OLA1: variants seen among roughly 807,000 people sequenced by gnomAD.
The protein encoded by OLA1 is Obg like ATPase 1, also known as obg-like ATPase 1.
OLA1 carries 14 observed loss-of-function variants against 48.4 expected under a neutral mutation model. The observed-to-expected ratio is 0.29, with a 90% CI of 0.19 to 0.45. The LOEUF (loss-of-function observed/expected upper bound fraction) is 0.45. Ranked by LOEUF, OLA1 falls within the 20% of genes least tolerant of loss-of-function variation. OLA1 has a pLI of 1.00. For synonymous variants in OLA1, 127 were observed against 150.4 expected (o/e 0.84, Z 1.14); for missense variants, 325 against 467.1 (o/e 0.70, Z 2.80).
At chr2:174,098,325 T>C (rs1479940703) in intron 7 of OLA1, among the ~76,000 whole-genome samples, 1 of 152,194 alleles carries the variant, frequency 6.6e-6, no homozygotes, top group Non-Finnish European at 1.5e-5. Flanking sequence ...TAAAGAAATG[T>C]TTATTTTAAC....
chr2:174,075,226 G>A lies in OLA1; in HGVS notation c.*200C>T. 2.1e-6 allele frequency: 1 copy of A among 476,418 alleles called. No homozygotes were observed. The highest frequency in any genetic ancestry group is 3.7e-6 in the Non-Finnish European group (1 of 273,562). 29.5% of individuals were successfully genotyped at this position (476,418 alleles called of 1,614,324 possible). On this transcript the variant is annotated 3_prime_UTR_variant, in exon 11 of 11. Coordinates refer to ENST00000284719, the MANE Select transcript of OLA1 (RefSeq NM_013341.5). ...TCTTAATCACGTGAAAAGCAAAGCTGTTCACATTTAGTGAACCTGCATTTC... is the reference window on the plus strand; with the variant it reads ...TCTTAATCACGTGAAAAGCAAAGCTATTCACATTTAGTGAACCTGCATTTC...
intron 4 of OLA1, among the ~76,000 whole-genome samples, chr2:174,153,837 T>C (rs142684634): frequency 2.0e-3 from 305 of 152,332 alleles, no homozygotes; most frequent in Middle Eastern, 0.01. Flanking sequence ...ACAGATACTT[T>C]AAATGTGTAA....
intron 9 of OLA1, chr2:174,079,328 GT>G: frequency 3.3e-6 from 1 of 302,246 alleles, no homozygotes; most frequent in Admixed American, 5.0e-5. Flanking sequence ...GTCATCCACT[GT>G]TTTATTGATT....
chr2:174,125,420 T>C (rs1686025358), intron 5 of OLA1, among the ~76,000 whole-genome samples: 1 of 152,126 alleles, frequency 6.6e-6, no homozygotes, highest in Non-Finnish European at 1.5e-5. Flanking sequence ...GAACAGCTTA[T>C]GTAGAGACAC....
chr2:174,166,181 G>A (rs1687160055), intron 4 of OLA1, among the ~76,000 whole-genome samples: 1 of 150,746 alleles, frequency 6.6e-6, no homozygotes, highest in Non-Finnish European at 1.5e-5. Flanking sequence ...GATAGTATCT[G>A]ATAAATTTGT....
At chr2:174,132,531 T>G (rs897156203) in intron 5 of OLA1, among the ~76,000 whole-genome samples, 1 of 152,130 alleles carries the variant, frequency 6.6e-6, no homozygotes, top group African/African-American at 2.4e-5. Context: ...AACAACAAAT[T>G]TGGTATATTG....
chr2:174,137,148 G>A (rs1480800907), intron 5 of OLA1, among the ~76,000 whole-genome samples: 2 of 152,216 alleles, frequency 1.3e-5, no homozygotes, highest in African/African-American at 4.8e-5. Context: ...CAGAATGGAT[G>A]TTGTCTTAGC....
At chr2:174,149,288 C>T (rs1487775059) in intron 4 of OLA1, among the ~76,000 whole-genome samples, 3 of 152,144 alleles carry the variant, frequency 2.0e-5, no homozygotes, top group African/African-American at 7.2e-5. Flanking sequence ...TCTTTCATTG[C>T]TTCTTTCTAA....
chr2:174,176,618 G>A (rs1401740135), intron 4 of OLA1, among the ~76,000 whole-genome samples: 6 of 152,048 alleles, frequency 3.9e-5, no homozygotes, highest in African/African-American at 1.4e-4. Context: ...CTTCTCAGGT[G>A]CCCCTGTGCT....
intron 7 of OLA1, among the ~76,000 whole-genome samples, chr2:174,113,985 C>G (rs1685716353): frequency 6.6e-6 from 1 of 151,900 alleles, no homozygotes; most frequent in African/African-American, 2.4e-5. Flanking sequence ...ATAGCAGGAA[C>G]TCAACAATAA....
intron 4 of OLA1, among the ~76,000 whole-genome samples, chr2:174,207,254 C>T (rs533116876): frequency 6.6e-6 from 1 of 152,204 alleles, no homozygotes. Context: ...ATTTTTTCAT[C>T]AGTGCCACCT....
At chr2:174,219,899 A>C (rs543888241) in intron 4 of OLA1, among the ~76,000 whole-genome samples, 1 of 152,260 alleles carries the variant, frequency 6.6e-6, no homozygotes, top group South Asian at 2.1e-4. Flanking sequence ...TGGGAGGCTG[A>C]GGTGGGCATA....
intron 3 of OLA1, among the ~76,000 whole-genome samples, chr2:174,225,537 G>A (rs1410029744): frequency 2.6e-5 from 4 of 151,752 alleles, no homozygotes; most frequent in Non-Finnish European, 4.4e-5. Flanking sequence ...CAACAATGGC[G>A]AAACTCCCTC....
At chr2:174,190,238 T>C (rs1406447385) in intron 4 of OLA1, among the ~76,000 whole-genome samples, 1 of 152,222 alleles carries the variant, frequency 6.6e-6, no homozygotes, top group African/African-American at 2.4e-5. Flanking sequence ...TCTCGGCATA[T>C]ACCTTTATGT....
At chr2:174,192,985 G>A (rs1470773095) in intron 4 of OLA1, among the ~76,000 whole-genome samples, 4 of 151,856 alleles carry the variant, frequency 2.6e-5, no homozygotes, top group African/African-American at 7.3e-5. Context: ...TATGTGTGTG[G>A]TATTTATCCT....
chr2:174,221,544 C>T (rs770164771), intron 4 of OLA1, among the ~76,000 whole-genome samples: 8 of 152,096 alleles, frequency 5.3e-5, no homozygotes, highest in Admixed American at 4.6e-4. Context: ...TTCTTTTCCA[C>T]CCATCAACTC....
At chr2:174,228,566 T>C (rs1688662310) in intron 3 of OLA1, among the ~76,000 whole-genome samples, 1 of 152,140 alleles carries the variant, frequency 6.6e-6, no homozygotes, top group Non-Finnish European at 1.5e-5. Flanking sequence ...TTAAACTATC[T>C]CACTTTTTCC....
At chr2:174,237,781 T>C (rs1354868753) in intron 2 of OLA1, among the ~76,000 whole-genome samples, 2 of 152,080 alleles carry the variant, frequency 1.3e-5, no homozygotes, top group South Asian at 2.1e-4. Context: ...AAATTAACTA[T>C]AGTAAATACA....
chr2:174,209,575 T>A (rs1688197309), intron 4 of OLA1, among the ~76,000 whole-genome samples: 1 of 151,990 alleles, frequency 6.6e-6, no homozygotes, highest in South Asian at 2.1e-4. Context: ...GATTAAAAAC[T>A]CGGGCTGAAG....
Sources: allele counts gnomAD v4.1 joint callset (sites outside exome capture counted in the v4.1 genomes callset), GRCh38; gene constraint gnomAD v4.1.1; transcripts MANE v1.5; gene names NCBI Gene and HGNC (gene_info 2026-07-23, HGNC 2026-07-21).